Variants in RAPGEFL1 observed in about 807,000 individuals in gnomAD.
RAPGEFL1 encodes rap guanine nucleotide exchange factor-like 1.
In RAPGEFL1, 31 loss-of-function variants were observed where a neutral mutation model predicts 64.4. That is an observed-to-expected ratio of 0.48 (90% CI 0.36 to 0.65). RAPGEFL1 has a LOEUF of 0.65. Among genes scored for constraint, RAPGEFL1 ranks in the 30% least tolerant of loss-of-function variants. The pLI, the probability that RAPGEFL1 is intolerant of heterozygous loss-of-function variation, is 0.00. For missense variants in RAPGEFL1, 682 were observed against 677.4 expected, an observed-to-expected ratio of 1.01 and a Z score of -0.08; for synonymous variants, 331 against 274.1, an observed-to-expected ratio of 1.21 and a Z score of -2.05.
intron 3 of RAPGEFL1, 107 bp from the exon 4 acceptor site, chr17:40,184,474 T>C: frequency 8.7e-7 from 1 of 1,149,000 alleles, no homozygotes; most frequent in Non-Finnish European, 1.2e-6. Context: ...CCTTAGCTTA[T>C]ATGGCTCTCC....
At chr17:40,185,849 A>G (rs904564710) in intron 4 of RAPGEFL1, among the ~76,000 whole-genome samples, 8 of 151,552 alleles carry the variant, frequency 5.3e-5, no homozygotes, top group African/African-American at 1.9e-4. Flanking sequence ...CTGTAGTCCC[A>G]GCTACTCAGG....
chr17:40,193,858 C>T lies in RAPGEFL1; in HGVS notation c.*70C>T. 3.8e-6 allele frequency: 6 copies of T among 1,595,768 alleles called. No homozygotes were observed. Among genetic ancestry groups the T allele is most frequent in the Non-Finnish European group, 5.1e-6 (6 of 1,168,396 alleles). On this transcript the variant is annotated 3_prime_UTR_variant, in exon 15 of 15. Transcript: ENST00000620260. ...CACTCAAGCACTTTGCACGATGTCT[C>T]AACCAACATCTGACATCTTTCCCGT... is the stretch of plus-strand genomic sequence containing the variant.
chr17:40,184,668 G>A lies in RAPGEFL1; in HGVS notation c.823G>A (p.Val275Met). The change falls in exon 4 of 15, where the codon GTG becomes ATG. Residue 275 changes from valine to methionine, a missense_variant. Val to Met is a conservative substitution (Grantham distance 21, BLOSUM62 1). Around this residue, in one of 2 missense-constraint regions of RAPGEFL1, gnomAD observed 411 missense variants for 519.4 expected, o/e 0.79. Transcript: ENST00000620260. ...GAGGCTGCACCAGCTGGTGGAGACG[G>A]TGGAACTAAAGTGAGGGGGAGTGGG... Reference protein sequence around the residue: ...TLRLHQLVETVELKIPEENQP... With the variant: ...TLRLHQLVETMELKIPEENQP... The A allele has an allele frequency of 6.3e-7, 1 of 1,576,380 alleles. No homozygotes were observed. The highest frequency in any genetic ancestry group is 1.1e-5 in the South Asian group (1 of 88,008).
rs181246961 is a variant in RAPGEFL1, at chr17:40,193,500, G to A, written c.1864+83G>A. On this transcript the variant is annotated intron_variant, in intron 14 of 14. Transcript: ENST00000620260. ...TCAGGGGAGAACTCCCTGTCCAGAT[G>A]TGTATTTCCATACACTTGCTGGTTC... is the stretch of plus-strand genomic sequence containing the variant. The A allele has an allele frequency of 1.5e-4, 231 of 1,582,094 alleles. 1 individual carries two copies. The East Asian group carries it at 3.6e-3, about 25-fold the overall frequency.
Position 40,184,223 on chromosome 17 carries a change from G to T in RAPGEFL1, c.609G>T (p.Arg203=), listed in dbSNP as rs771472021. ...TTAACTTAAGGGTCAGCTTTGTTCG[G>T]GCAGGAGGCATGGAGGGCCCTGAAG... ...FLQELHQYFV[R]AGGMEGPEGL... is the part of the protein sequence containing the mutation. The change falls in exon 3 of 15, where the codon CGG becomes CGT. Residue 203 remains arginine (R), a synonymous_variant. Coordinates refer to ENST00000620260, the MANE Select transcript of RAPGEFL1 (RefSeq NM_016339.6). 3.7e-6 allele frequency: 6 copies of T among 1,611,888 alleles called. No individual in the cohort carries two copies. The East Asian group carries it at 6.7e-5, about 18-fold the overall frequency.
Position 40,193,848 on chromosome 17 carries a change from C to T in RAPGEFL1, c.*60C>T, listed in dbSNP as rs1990367573. 6.2e-7 allele frequency: 1 copy of T among 1,606,646 alleles called. No individual in the cohort carries two copies. ...GGGCACCTGGCACTCAAGCACTTTG[C>T]ACGATGTCTCAACCAACATCTGACA... is the stretch of plus-strand genomic sequence containing the variant. On this transcript the variant is annotated 3_prime_UTR_variant, in exon 15 of 15. Coordinates refer to ENST00000620260, the MANE Select transcript of RAPGEFL1 (RefSeq NM_016339.6).
rs1990417455 is a variant in RAPGEFL1 at position 40,195,149 on chromosome 17, C to T, written c.*1361C>T. 1 of 152,284 alleles carries T rather than the reference C, an allele frequency of 6.6e-6. No individual in the cohort carries two copies. Among genetic ancestry groups the T allele is most frequent in the Non-Finnish European group, 1.5e-5 (1 of 68,046 alleles). 9.4% of individuals were successfully genotyped at this position (152,284 alleles called of 1,614,324 possible). Reference sequence around the variant, plus strand: ...TTTTACCCAAAGCTCTGGAATTGTACATTTATTTTTTAAAACTCAAAGAGG... The same window carrying T: ...TTTTACCCAAAGCTCTGGAATTGTATATTTATTTTTTAAAACTCAAAGAGG... On this transcript the variant is annotated 3_prime_UTR_variant, in exon 15 of 15. Coordinates refer to ENST00000620260, the MANE Select transcript of RAPGEFL1 (RefSeq NM_016339.6).
chr17:40,183,883 G>A (rs1290519100), intron 2 of RAPGEFL1, among the ~76,000 whole-genome samples: 3 of 110,010 alleles, frequency 2.7e-5, no homozygotes, highest in Admixed American at 1.3e-4. Context: ...ATTCTCTGTC[G>A]CCCAGGCTGG....
At position 40,193,664 on chromosome 17, in the gene RAPGEFL1, G is replaced by C. The variant is rs777150318; in HGVS notation, c.1865G>C (p.Cys622Ser). 6.2e-7 allele frequency: 1 copy of C among 1,614,032 alleles called. No individual in the cohort carries two copies. Among genetic ancestry groups the C allele is most frequent in the Non-Finnish European group, 8.5e-7 (1 of 1,180,008 alleles). ...CTGCCTCTCCCTCTTTACCCACTAG[G>C]CCTGGACATGGAGGCATCCCCCAAT... ...TIRKYRSRPLCLDMEASPNHL... is the reference protein window; with the variant it reads ...TIRKYRSRPLSLDMEASPNHL... The change falls in exon 15 of 15, where the codon TGC (cysteine) becomes TCC (serine). Residue 622 changes from cysteine to serine, a missense_variant and splice_region_variant. Coordinates refer to ENST00000620260, the MANE Select transcript of RAPGEFL1 (RefSeq NM_016339.6).
In RAPGEFL1 at chr17:40,191,268, C is replaced by T. The variant is rs1321246623; in HGVS notation, c.1336-48C>T. 6.7e-7 allele frequency: 1 copy of T among 1,499,746 alleles called. No homozygotes were observed. Among genetic ancestry groups the T allele is most frequent in the Non-Finnish European group, 8.8e-7 (1 of 1,130,508 alleles). 92.9% of individuals were successfully genotyped at this position (1,499,746 alleles called of 1,614,324 possible). On this transcript the variant is annotated intron_variant, in intron 8 of 14. Transcript: ENST00000620260. This position sits in a 1 kb window ranked among gnomAD's most constrained non-coding sequence, Gnocchi z 5.1. ...TGCACTGCCATCTTCCCACCCACTC[C>T]CCTCACCCCCTGGCGCCCTGGCCGC...
At position 40,186,574 on chromosome 17, in the gene RAPGEFL1, CAAAAAAAAAAAAAAAAA is replaced by C. The variant is rs146110920; in HGVS notation, c.833+1915_833+1931del. The stretch of plus-strand genomic sequence containing the variant: ...TGGGCGACAGAGCGAGACTCCGTCT[CAAAAAAAAAAAAAAAAA>C]AAAAAAAAAAAAAAAAAAGAGGTGG... On this transcript the variant is annotated intron_variant, in intron 4 of 14. Transcript: ENST00000620260. Among the ~76,000 whole-genome samples the C allele has an allele frequency of 6.8e-4, 18 of 26,290 alleles. 1 individual carries two copies. Among genetic ancestry groups the C allele is most frequent in the East Asian group, 1.9e-3 (1 of 540 alleles). 17.2% of individuals were successfully genotyped at this position (26,290 alleles called of 152,430 possible).
chr17:40,189,902 C>T (rs751071140), intron 6 of RAPGEFL1, among the ~76,000 whole-genome samples: 2 of 151,524 alleles, frequency 1.3e-5, no homozygotes, highest in Non-Finnish European at 2.9e-5. Context: ...GTTGCAGTGC[C>T]GAGATCAAGA....
Position 40,191,401 on chromosome 17 carries a change from A to G in RAPGEFL1, c.1421A>G (p.Glu474Gly). Residue 474 changes from glutamate (E) to glycine (G), a missense_variant, in exon 9 of 15, where the codon GAG becomes GGG. By Grantham distance (98) the Glu-to-Gly change is moderately conservative (BLOSUM62 -2). Coordinates refer to ENST00000620260, the MANE Select transcript of RAPGEFL1 (RefSeq NM_016339.6). The surrounding 1 kb of genome is among the most constrained non-coding windows in gnomAD (Gnocchi z 5.1). ...GAGCTGCTGCTGCAGCGCTGCAGCGAGGTCACGCACTGGGTGGCCACCGAA... is the reference window on the plus strand; with the variant it reads ...GAGCTGCTGCTGCAGCGCTGCAGCGGGGTCACGCACTGGGTGGCCACCGAA... ...NLELLLQRCS[E>G]VTHWVATEVL... 6.2e-7 allele frequency: 1 copy of G among 1,603,010 alleles called. No homozygotes were observed. The highest frequency in any genetic ancestry group is 8.5e-7 in the Non-Finnish European group (1 of 1,178,088).
chr17:40,178,155 G>C lies in RAPGEFL1; in HGVS notation c.294G>C (p.Gly98=). 1.8e-6 allele frequency: 1 copy of C among 560,326 alleles called. No homozygotes were observed. The highest frequency in any genetic ancestry group is 3.2e-6 in the Non-Finnish European group (1 of 316,420). 34.7% of individuals were successfully genotyped at this position (560,326 alleles called of 1,614,324 possible). The change falls in exon 1 of 15, where the codon GGG becomes GGC. Residue 98 remains glycine (G), a synonymous_variant. Transcript: ENST00000620260. ...PAGVAEEPGS[G]GPCWLQLEEV... is the part of the protein sequence containing the mutation. The stretch of plus-strand genomic sequence containing the variant: ...GGGTCGCGGAGGAGCCGGGCAGCGG[G>C]GGGCCCTGCTGGCTGCAGCTGGAGG...
At chr17:40,177,437 A>T (rs1428887258), upstream of RAPGEFL1, 3 of 659,724 alleles carry the variant, frequency 4.5e-6, no homozygotes, top group Non-Finnish European at 8.3e-6. Flanking sequence ...CTGGGCGGGG[A>T]CTGGAGGAGG....
upstream of RAPGEFL1, chr17:40,177,131 G>A (rs1278214537): frequency 5.7e-6 from 4 of 702,598 alleles, no homozygotes; most frequent in Admixed American, 4.0e-5. Context: ...CTGTGAGTAT[G>A]AGAAAGGTGC....
At chr17:40,180,488 G>A (rs756363813) in intron 1 of RAPGEFL1, among the ~76,000 whole-genome samples, 29 of 152,106 alleles carry the variant, frequency 1.9e-4, no homozygotes, top group Non-Finnish European at 2.1e-4. Context: ...CCCAGGGTGT[G>A]TGGGAGGAGA....
In RAPGEFL1 at chr17:40,177,498, A is replaced by C. The variant is rs911097762; in HGVS notation, c.-364A>C. ...TCCCCCTCTTCACGGCCAGGAGCGC[A>C]GCCGCCGCCGCCGCCGCCGCCGCGT... On this transcript the variant is annotated 5_prime_UTR_variant, in exon 1 of 15. Transcript: ENST00000620260. 8.4e-6 allele frequency: 5 copies of C among 594,374 alleles called. No individual in the cohort carries two copies. Among genetic ancestry groups the C allele is most frequent in the Non-Finnish European group, 1.2e-5 (4 of 334,204 alleles). 36.8% of individuals were successfully genotyped at this position (594,374 alleles called of 1,614,324 possible).
intron 11 of RAPGEFL1, 108 bp downstream of exon 11, chr17:40,192,371 G>T: frequency 1.6e-6 from 2 of 1,269,324 alleles, no homozygotes; most frequent in South Asian, 1.2e-5. Context: ...TTAGTGTATG[G>T]GACCCCCCAC....
Sources: allele counts gnomAD v4.1 joint callset (sites outside exome capture counted in the v4.1 genomes callset), GRCh38; gene constraint gnomAD v4.1.1; regional missense constraint gnomAD v4.1.1; non-coding constraint Gnocchi (gnomAD v3.1); transcripts MANE v1.5; gene names NCBI Gene and HGNC (gene_info 2026-07-23, HGNC 2026-07-21).